ABCA13: variants seen among roughly 807,000 people sequenced by gnomAD.
ABCA13 encodes the protein ATP-binding cassette sub-family A member 13.
Under a neutral mutation model 478.7 loss-of-function variants are expected in ABCA13, and 476 were observed. The observed-to-expected ratio is 0.99, with a 90% confidence interval of 0.92 to 1.07. The LOEUF is 1.07. ABCA13 is among the 50% of genes least tolerant of loss of function. The probability of loss-of-function intolerance (pLI) is 0.00; values close to 1 mark genes in which losing one functional copy is unlikely to be tolerated. For missense variants in ABCA13, 6,060 were observed against 5,910.6 expected, an observed-to-expected ratio of 1.03 and a Z score of -0.83; for synonymous variants, 2,252 against 2,158.9, an observed-to-expected ratio of 1.04 and a Z score of -1.20.
At chr7:48,432,982 T>C (rs1822345371) in intron 42 of ABCA13, among the ~76,000 whole-genome samples, 1 of 152,068 alleles carries the variant, frequency 6.6e-6, no homozygotes, top group East Asian at 1.9e-4. Context: ...CACAAAAAAC[T>C]ATGTGAGGTA....
intron 54 of ABCA13, 95 bp downstream of exon 54, chr7:48,524,535 A>G: frequency 8.4e-7 from 1 of 1,197,532 alleles, no homozygotes; most frequent in Non-Finnish European, 1.1e-6. Context: ...ATTTGAAATC[A>G]GAGCCAAAAA....
At chr7:48,630,817 G>GTTTTTTTTTTTTTTT (rs55908191) in intron 59 of ABCA13, among the ~76,000 whole-genome samples, 1 of 147,480 alleles carries the variant, frequency 6.8e-6, no homozygotes, top group Non-Finnish European at 1.5e-5. Flanking sequence ...GCCAGCATCT[G>GTTTTTTTTTTTTTTT]TTTTTTTTTT....
At chr7:48,613,257 C>T (rs1317507094) in intron 58 of ABCA13, among the ~76,000 whole-genome samples, 2 of 151,728 alleles carry the variant, frequency 1.3e-5, no homozygotes, top group East Asian at 1.9e-4. Flanking sequence ...GGCAAAATCT[C>T]GGCTCACTGC....
intron 18 of ABCA13, 118 bp downstream of exon 18, chr7:48,280,038 T>C (rs992796388): frequency 6.1e-6 from 7 of 1,139,728 alleles, no homozygotes; most frequent in African/African-American, 1.6e-5. Context: ...CAACTTTGTT[T>C]ACACTCTGAA....
chr7:48,390,605 GT>G (rs1361607028), intron 37 of ABCA13, among the ~76,000 whole-genome samples: 1 of 152,194 alleles, frequency 6.6e-6, no homozygotes, highest in Non-Finnish European at 1.5e-5. Flanking sequence ...AAGGTTTCCT[GT>G]GCTCTCCTTT....
At chr7:48,265,416 G>C (rs1334830385) in intron 15 of ABCA13, among the ~76,000 whole-genome samples, 1 of 151,398 alleles carries the variant, frequency 6.6e-6, no homozygotes, top group Non-Finnish European at 1.5e-5. Context: ...CTAGCTCATG[G>C]TATATCTCTC....
chr7:48,625,206 G>A (rs951516016), intron 59 of ABCA13, among the ~76,000 whole-genome samples: 1 of 152,186 alleles, frequency 6.6e-6, no homozygotes, highest in Non-Finnish European at 1.5e-5. Context: ...ATATGCTTTA[G>A]TGTGGCAACT....
chr7:48,234,263 A>T, intron 8 of ABCA13, 112 bp downstream of exon 8: 1 of 1,500,092 alleles, frequency 6.7e-7, no homozygotes, highest in Non-Finnish European at 9.2e-7. Flanking sequence ...GCCAGACAGG[A>T]GAGTTCGGTC....
intron 5 of ABCA13, among the ~76,000 whole-genome samples, chr7:48,222,344 A>C (rs938595506): frequency 7.9e-5 from 12 of 152,244 alleles, no homozygotes; most frequent in Non-Finnish European, 1.6e-4. Context: ...GATGCTTGTG[A>C]TGTTGTAGCT....
chr7:48,286,653 C>T (rs558024885), intron 19 of ABCA13, among the ~76,000 whole-genome samples: 4 of 151,926 alleles, frequency 2.6e-5, no homozygotes, highest in South Asian at 2.1e-4. Context: ...TACAGGTGCC[C>T]GCCACCATGC....
At chr7:48,426,643 C>T (rs910129514) in intron 41 of ABCA13, among the ~76,000 whole-genome samples, 2 of 152,114 alleles carry the variant, frequency 1.3e-5, no homozygotes, top group Non-Finnish European at 2.9e-5. Flanking sequence ...GGGCCAGGGA[C>T]CAATATCTCT....
At chr7:48,289,691 G>C (rs966320806) in intron 20 of ABCA13, among the ~76,000 whole-genome samples, 1 of 152,096 alleles carries the variant, frequency 6.6e-6, no homozygotes, top group Non-Finnish European at 1.5e-5. Context: ...ATGAGTGAAG[G>C]TTATAATAAT....
At chr7:48,503,187 A>G (rs1049040885) in intron 48 of ABCA13, among the ~76,000 whole-genome samples, 1 of 152,172 alleles carries the variant, frequency 6.6e-6, no homozygotes, top group African/African-American at 2.4e-5. Context: ...CCTGGGCTCA[A>G]GCAGTCCTCC....
At chr7:48,575,104 T>A (rs2131339667) in intron 55 of ABCA13, among the ~76,000 whole-genome samples, 1 of 152,228 alleles carries the variant, frequency 6.6e-6, no homozygotes, top group African/African-American at 2.4e-5. Flanking sequence ...GGTACATACT[T>A]AGACTTAACA....
chr7:48,331,441 A>AT (rs1805386843), intron 27 of ABCA13, among the ~76,000 whole-genome samples: 2 of 152,234 alleles, frequency 1.3e-5, no homozygotes, highest in African/African-American at 2.4e-5. Context: ...GAATTCATAG[A>AT]TTTAAACGTG....
chr7:48,639,871 A>G lies in ABCA13; in HGVS notation c.14838-3417A>G, dbSNP rs188897591. Among the ~76,000 whole-genome samples the G allele has an allele frequency of 2.6e-5, 4 of 152,346 alleles. No individual in the cohort carries two copies. The South Asian group carries it at 6.2e-4, about 24-fold the overall frequency. On this transcript the variant is annotated intron_variant, in intron 59 of 61. Transcript: ENST00000435803. ...AGAAACTGAAATACAGTCGTAGAGT[A>G]TGAGACATTAGTATGTTCCTTTAAT... is the stretch of plus-strand genomic sequence containing the variant.
chr7:48,282,934 G>T (rs1028164420), intron 19 of ABCA13, among the ~76,000 whole-genome samples: 1 of 152,180 alleles, frequency 6.6e-6, no homozygotes, highest in Non-Finnish European at 1.5e-5. Context: ...GACATTTGTT[G>T]AATGAATGAA....
chr7:48,620,512 G>A (rs1220164212), intron 59 of ABCA13, among the ~76,000 whole-genome samples: 1 of 152,086 alleles, frequency 6.6e-6, no homozygotes, highest in Non-Finnish European at 1.5e-5. Flanking sequence ...TCCCTGGCCT[G>A]TGCAGCACCC....
At chr7:48,614,601 C>T (rs1310892098) in intron 58 of ABCA13, among the ~76,000 whole-genome samples, 1 of 150,782 alleles carries the variant, frequency 6.6e-6, no homozygotes, top group Non-Finnish European at 1.5e-5. Context: ...TTTATTGTGG[C>T]ACTGTTCACA....
Sources: gnomAD v4.1 joint callset for allele counts (sites outside exome capture counted in the v4.1 genomes callset) on GRCh38, gnomAD v4.1.1 for gene constraint, MANE v1.5 for transcripts, NCBI Gene and HGNC (gene_info 2026-07-23, HGNC 2026-07-21) for gene names.